Variants in EFCAB13 observed in about 807,000 individuals in gnomAD.
The protein encoded by EFCAB13 is EF-hand calcium-binding domain-containing protein 13.
EFCAB13 carries 91 observed loss-of-function variants against 110.2 expected under a neutral mutation model. That is an observed-to-expected ratio of 0.83 (90% CI 0.70 to 0.98). The LOEUF (loss-of-function observed/expected upper bound fraction) is 0.98. EFCAB13 is among the 50% of genes least tolerant of loss of function. The pLI, the probability that EFCAB13 is intolerant of heterozygous loss-of-function variation, is 0.00. For missense variants in EFCAB13, 968 were observed against 1,119.4 expected (o/e 0.86, Z 1.93); for synonymous variants, 323 against 369.9 (o/e 0.87, Z 1.45).
At chr17:47,419,035 CTA>C (rs1292289842) in intron 23 of EFCAB13, among the ~76,000 whole-genome samples, 2 of 152,162 alleles carry the variant, frequency 1.3e-5, no homozygotes, top group Admixed American at 1.3e-4. Flanking sequence ...TCACCTGGTT[CTA>C]TCTGTATATG....
intron 17 of EFCAB13, among the ~76,000 whole-genome samples, chr17:47,397,541 G>C (rs968693685): frequency 6.6e-6 from 1 of 151,372 alleles, no homozygotes; most frequent in Non-Finnish European, 1.5e-5. Context: ...ATCTCTGCCC[G>C]GCCGCCATCC....
At chr17:47,404,089 A>T (rs1021682533) in intron 19 of EFCAB13, 68 bp downstream of exon 19, 93 of 1,236,814 alleles carry the variant, frequency 7.5e-5, no homozygotes, top group Non-Finnish European at 1.0e-4. Flanking sequence ...CAAGGTCTAT[A>T]GGTATTTGCT....
At chr17:47,436,830 G>C (rs137996029) in intron 24 of EFCAB13, among the ~76,000 whole-genome samples, 7,578 of 149,830 alleles carry the variant, frequency 0.051, 247 homozygotes, top group East Asian at 0.11. Flanking sequence ...GTTTGTTCTT[G>C]CTTCTCTAGT....
At chr17:47,420,999 G>A (rs1457293226) in intron 23 of EFCAB13, among the ~76,000 whole-genome samples, 1 of 128,950 alleles carries the variant, frequency 7.8e-6, no homozygotes, top group Non-Finnish European at 1.7e-5. Flanking sequence ...GAGGGGGTCA[G>A]CCCCCCGTCC....
chr17:47,403,734 A>G (rs1344060029), intron 18 of EFCAB13, 144 bp from the exon 19 acceptor site: 1 of 627,560 alleles, frequency 1.6e-6, no homozygotes, highest in African/African-American at 1.9e-5. Flanking sequence ...GCTGCTGGCC[A>G]TAGAATTCTA....
At chr17:47,437,319 C>T (rs188413973) in intron 24 of EFCAB13, among the ~76,000 whole-genome samples, 48 of 152,246 alleles carry the variant, frequency 3.2e-4, no homozygotes, top group African/African-American at 1.1e-3. Flanking sequence ...TCTTTGTTGA[C>T]TTTCTATCTT....
At chr17:47,400,956 T>C (rs1029488531) in intron 17 of EFCAB13, among the ~76,000 whole-genome samples, 1 of 152,178 alleles carries the variant, frequency 6.6e-6, no homozygotes, top group Non-Finnish European at 1.5e-5. Flanking sequence ...CTGAGTATTA[T>C]AAAAGTATAA....
At chr17:47,426,443 T>G (rs921030588) in intron 23 of EFCAB13, among the ~76,000 whole-genome samples, 26 of 152,174 alleles carry the variant, frequency 1.7e-4, no homozygotes, top group Non-Finnish European at 1.5e-5. Context: ...CAATAAGACT[T>G]TCCATCTTGG....
intron 21 of EFCAB13, among the ~76,000 whole-genome samples, chr17:47,411,939 T>G (rs1487288776): frequency 6.6e-6 from 1 of 152,030 alleles, no homozygotes; most frequent in East Asian, 1.9e-4. Context: ...TAAAAATATT[T>G]AAAAAATTAG....
At chr17:47,365,617 C>T (rs1266077610) in intron 10 of EFCAB13, among the ~76,000 whole-genome samples, 2 of 152,134 alleles carry the variant, frequency 1.3e-5, no homozygotes, top group East Asian at 3.9e-4. Flanking sequence ...TAGTTGCTTG[C>T]TGTGCTTCTT....
At chr17:47,366,068 A>C (rs760815322) in intron 10 of EFCAB13, among the ~76,000 whole-genome samples, 4 of 152,188 alleles carry the variant, frequency 2.6e-5, no homozygotes, top group Non-Finnish European at 5.9e-5. Context: ...ATAGCACTGC[A>C]GGTACTGTTC....
At chr17:47,413,029 G>A (rs1434961244) in intron 22 of EFCAB13, 113 bp downstream of exon 22, 1 of 1,109,328 alleles carries the variant, frequency 9.0e-7, no homozygotes, top group Non-Finnish European at 1.3e-6. Context: ...TTCTTTTGGA[G>A]GCTTAGGTTG....
chr17:47,395,435 G>A lies in EFCAB13; in HGVS notation c.1802-399G>A, dbSNP rs578227468. Among the ~76,000 whole-genome samples, 70 of 152,212 alleles carry A rather than the reference G, an allele frequency of 4.6e-4. 3 individuals are homozygous for A. In the South Asian group the frequency reaches 0.014, roughly 31 times the overall value. On this transcript the variant is annotated intron_variant, in intron 16 of 24. Transcript: ENST00000331493. ...TTTGCATTGAAATAGTCTTCTTTTT[G>A]TTGTCTACAGTGGTAGATTGAAGAG...
intron 16 of EFCAB13, among the ~76,000 whole-genome samples, chr17:47,394,805 G>T (rs932267770): frequency 1.8e-4 from 28 of 152,120 alleles, no homozygotes; most frequent in Admixed American, 1.0e-3. Context: ...GAGATTGTCA[G>T]TTACTTCATT....
intron 11 of EFCAB13, among the ~76,000 whole-genome samples, chr17:47,372,459 T>A (rs1358930385): frequency 6.6e-6 from 1 of 152,204 alleles, no homozygotes; most frequent in Non-Finnish European, 1.5e-5. Context: ...ATTTTTAACC[T>A]TCATACTATG....
intron 5 of EFCAB13, among the ~76,000 whole-genome samples, chr17:47,339,403 A>T (rs961566517): frequency 6.6e-6 from 1 of 152,158 alleles, no homozygotes; most frequent in East Asian, 1.9e-4. Context: ...GTTCCACCTC[A>T]GAAGATCATC....
At chr17:47,343,950 A>T (rs184163267) in intron 6 of EFCAB13, among the ~76,000 whole-genome samples, 1 of 152,024 alleles carries the variant, frequency 6.6e-6, no homozygotes, top group African/African-American at 2.4e-5. Flanking sequence ...ACTTAAGAAA[A>T]CCATGGCTTT....
chr17:47,424,874 CTTTTTTTTTTTTTT>C (rs548271723), intron 23 of EFCAB13, among the ~76,000 whole-genome samples: 3 of 36,896 alleles, frequency 8.1e-5, no homozygotes, highest in East Asian at 1.3e-3. Flanking sequence ...GGTTGACAAT[CTTTTTTTTTTTTTT>C]TTTTTTTTTT....
At chr17:47,378,047 G>C in intron 13 of EFCAB13, 144 bp downstream of exon 13, 1 of 768,684 alleles carries the variant, frequency 1.3e-6, no homozygotes. Context: ...TATAAAAATG[G>C]AAAATAGTAA....
Sources: allele counts gnomAD v4.1 joint callset (sites outside exome capture counted in the v4.1 genomes callset), GRCh38; gene constraint gnomAD v4.1.1; transcripts MANE v1.5; gene names NCBI Gene and HGNC (gene_info 2026-07-23, HGNC 2026-07-21).